Variants in GSAP observed in about 807,000 individuals in gnomAD.
The protein encoded by GSAP is gamma-secretase activating protein.
GSAP carries 118 observed loss-of-function variants against 131.7 expected under a neutral mutation model. That is an observed-to-expected ratio of 0.90 (90% CI 0.77 to 1.04). GSAP has a LOEUF of 1.04. Among genes scored for constraint, GSAP ranks in the 50% least tolerant of loss-of-function variants. The pLI is 0.00. For missense variants in GSAP, 1,019 were observed against 1,013.2 expected, an observed-to-expected ratio of 1.01 and a Z score of -0.08; for synonymous variants, 381 against 363.4, an observed-to-expected ratio of 1.05 and a Z score of -0.55.
chr7:77,402,994 G>C (rs1223298748), intron 3 of GSAP, among the ~76,000 whole-genome samples: 2 of 152,150 alleles, frequency 1.3e-5, no homozygotes, highest in Non-Finnish European at 2.9e-5. Flanking sequence ...GTAAGCTAAA[G>C]GTAACGGGGA....
At chr7:77,393,876 G>A (rs542795663) in intron 5 of GSAP, among the ~76,000 whole-genome samples, 2 of 151,986 alleles carry the variant, frequency 1.3e-5, no homozygotes, top group East Asian at 1.9e-4. Context: ...GTTTCACCAC[G>A]TTGGCCAGGC....
At position 77,312,207 on chromosome 7, in the gene GSAP, T is replaced by A. The variant is rs964427573; in HGVS notation, c.2272-5A>T. On this transcript the variant is annotated splice_region_variant and splice_polypyrimidine_tract_variant and intron_variant, in intron 28 of 30. Transcript: ENST00000257626. The stretch of plus-strand genomic sequence containing the variant: ...ACAAATCTTCTGCCCAATAAGCTAT[T>A]ATGCAAATTGAAAAAAATGTAGCGA... 5 of 1,513,012 alleles carry A rather than the reference T, an allele frequency of 3.3e-6. No individual in the cohort carries two copies. In the African/African-American group the frequency reaches 7.3e-5, roughly 22 times the overall value. The allele number at this position is 1,513,012 out of a possible 1,614,324, so 93.7% of individuals were successfully genotyped here.
In GSAP at chr7:77,349,352, T is replaced by C; in HGVS notation, c.1544A>G (p.Lys515Arg). 4.4e-6 allele frequency: 7 copies of C among 1,608,882 alleles called. No homozygotes were observed. The highest frequency in any genetic ancestry group is 6.0e-6 in the Non-Finnish European group (7 of 1,175,378). Residue 515 changes from lysine to arginine, a missense_variant and splice_region_variant, in exon 19 of 31, where the codon AAG becomes AGG. Physicochemically the swap from Lys to Arg is conservative, Grantham distance 26. Coordinates refer to ENST00000257626, the MANE Select transcript of GSAP (RefSeq NM_017439.4). ...TGTTTCTTGCTGTAAGGGACCTACC[T>C]TCATAAGAGGCAATGCAATGTCTTC... is the stretch of plus-strand genomic sequence containing the variant. ...VTEDIALPLM[K>R]VLSFKGYWEK...
intron 14 of GSAP, 117 bp from the exon 15 acceptor site, chr7:77,355,764 A>G (rs989777107): frequency 1.6e-6 from 1 of 623,112 alleles, no homozygotes; most frequent in Non-Finnish European, 2.9e-6. Context: ...TTACCAATGT[A>G]ATAAGCTATC....
chr7:77,349,649 A>G (rs1792471291), intron 18 of GSAP, among the ~76,000 whole-genome samples: 1 of 151,334 alleles, frequency 6.6e-6, no homozygotes, highest in Non-Finnish European at 1.5e-5. Flanking sequence ...AGTAAAGGAA[A>G]AGACTATTAC....
chr7:77,380,728 GA>G (rs1268412092), intron 8 of GSAP, among the ~76,000 whole-genome samples: 20 of 151,590 alleles, frequency 1.3e-4, no homozygotes, highest in Non-Finnish European at 2.9e-4. Flanking sequence ...AGTACATGTG[GA>G]AAACAAGCAA....
At chr7:77,330,199 T>G in intron 20 of GSAP, 40 bp downstream of exon 20, 1 of 1,583,564 alleles carries the variant, frequency 6.3e-7, no homozygotes, top group Non-Finnish European at 8.6e-7. Context: ...CAGTCCACTA[T>G]GCCTCGCTGC....
At chr7:77,339,664 A>C (rs1790592910) in intron 19 of GSAP, among the ~76,000 whole-genome samples, 1 of 151,932 alleles carries the variant, frequency 6.6e-6, no homozygotes, top group Admixed American at 6.6e-5. Context: ...GAAAGAGGGA[A>C]TGTAAAAGGA....
At chr7:77,318,871 C>T (rs1232472667) in intron 26 of GSAP, among the ~76,000 whole-genome samples, 2 of 136,302 alleles carry the variant, frequency 1.5e-5, no homozygotes, top group African/African-American at 5.6e-5. Flanking sequence ...CTACACCCAA[C>T]AAAAAAGCTT....
At position 77,311,683 on chromosome 7, in the gene GSAP, C is replaced by G. The variant is rs1794375508; in HGVS notation, c.2473+158G>C. ...AGAGGTGATTATTTGGTAATTTACT[C>G]TAGGTAGTAAATTTGGTACTGCTAA... is the stretch of plus-strand genomic sequence containing the variant. On this transcript the variant is annotated intron_variant, in intron 30 of 30. Transcript: ENST00000257626. The G allele has an allele frequency of 8.4e-6, 5 of 594,686 alleles. No individual in the cohort carries two copies. The East Asian group carries it at 1.4e-4, about 16-fold the overall frequency. 36.8% of individuals were successfully genotyped at this position (594,686 alleles called of 1,614,324 possible).
At chr7:77,318,634 T>G (rs1203469838) in intron 26 of GSAP, among the ~76,000 whole-genome samples, 1 of 152,122 alleles carries the variant, frequency 6.6e-6, no homozygotes, top group African/African-American at 2.4e-5. Context: ...CTCTGATAAA[T>G]GGTGTTGGAA....
chr7:77,332,618 G>C (rs1006440629), intron 19 of GSAP, among the ~76,000 whole-genome samples: 3 of 152,044 alleles, frequency 2.0e-5, no homozygotes, highest in African/African-American at 7.2e-5. Flanking sequence ...GAAATCCATG[G>C]CCTAAAATAG....
intron 21 of GSAP, among the ~76,000 whole-genome samples, chr7:77,329,067 G>A (rs1449981412): frequency 1.3e-5 from 2 of 151,454 alleles, no homozygotes; most frequent in African/African-American, 4.8e-5. Flanking sequence ...AATGCTAATA[G>A]GAAATTTCTT....
chr7:77,328,278 G>A, intron 22 of GSAP: 1 of 1,089,116 alleles, frequency 9.2e-7, no homozygotes, highest in Non-Finnish European at 1.1e-6. Context: ...AAAGCAAGCA[G>A]CACCAAGCCA....
At chr7:77,337,968 T>C (rs897185086) in intron 19 of GSAP, among the ~76,000 whole-genome samples, 1 of 151,956 alleles carries the variant, frequency 6.6e-6, no homozygotes, top group Non-Finnish European at 1.5e-5. Context: ...CCCAGCAACA[T>C]ACCAAGACCC....
chr7:77,408,641 C>A (rs1329512402), intron 1 of GSAP, among the ~76,000 whole-genome samples: 2 of 121,100 alleles, frequency 1.7e-5, no homozygotes, highest in African/African-American at 6.6e-5. Flanking sequence ...GTGGAGGTTG[C>A]AATGAGCCGG....
In GSAP at chr7:77,375,101, A is replaced by G. The variant is rs767502893; in HGVS notation, c.742T>C (p.Phe248Leu). 10 of 1,557,104 alleles carry G rather than the reference A, an allele frequency of 6.4e-6. No individual in the cohort carries two copies. Among genetic ancestry groups the G allele is most frequent in the Non-Finnish European group, 8.8e-6 (10 of 1,135,354 alleles). Residue 248 changes from phenylalanine (F) to leucine (L), a missense_variant and splice_region_variant, in exon 11 of 31, where the codon TTT becomes CTT. Physicochemically the swap from Phe to Leu is conservative, Grantham distance 22. Coordinates refer to ENST00000257626, the MANE Select transcript of GSAP (RefSeq NM_017439.4). ...FYADESYNLM[F>L]EVPLDISLSN... ...AATGATATGTCCAAGGGTACTTCAA[A>G]CTGTCAAAAAAATCAAAGAAAATGA...
chr7:77,322,467 A>G (rs1202737932), intron 24 of GSAP, among the ~76,000 whole-genome samples: 1 of 152,200 alleles, frequency 6.6e-6, no homozygotes, highest in African/African-American at 2.4e-5. Flanking sequence ...TGTTATTAAC[A>G]ATGGAGAAAA....
chr7:77,412,738 C>A (rs2151225629), intron 1 of GSAP, among the ~76,000 whole-genome samples: 1 of 149,768 alleles, frequency 6.7e-6, no homozygotes, highest in East Asian at 2.0e-4. Flanking sequence ...GATGCTCAAC[C>A]TCGGAGCACA....
Sources: allele counts gnomAD v4.1 joint callset (sites outside exome capture counted in the v4.1 genomes callset), GRCh38; gene constraint gnomAD v4.1.1; transcripts MANE v1.5; gene names NCBI Gene and HGNC (gene_info 2026-07-23, HGNC 2026-07-21).